Variants in NME7 observed in about 807,000 individuals in gnomAD.
NME7 encodes nucleoside diphosphate kinase 7.
A neutral mutation model predicts 49.1 loss-of-function variants in NME7; 41 were observed. The observed-to-expected ratio is 0.83, with a 90% CI of 0.65 to 1.08. The LOEUF (loss-of-function observed/expected upper bound fraction) is 1.08. Ranked by LOEUF, NME7 falls within the 50% of genes least tolerant of loss-of-function variation. The pLI is 0.00. For missense variants in NME7, 423 were observed against 463.4 expected (o/e 0.91, Z 0.80); for synonymous variants, 139 against 150.6 (o/e 0.92, Z 0.56).
chr1:169,188,797 G>T (rs150099490), intron 10 of NME7, among the ~76,000 whole-genome samples: 1 of 152,142 alleles, frequency 6.6e-6, no homozygotes, highest in Non-Finnish European at 1.5e-5. Context: ...TACACACTGA[G>T]GTGATACCAT....
At chr1:169,329,124 G>C (rs949126160) in intron 1 of NME7, among the ~76,000 whole-genome samples, 3 of 152,010 alleles carry the variant, frequency 2.0e-5, no homozygotes, top group African/African-American at 7.2e-5. Context: ...TCTGCTATAG[G>C]TTTCAAAATC....
intron 6 of NME7, among the ~76,000 whole-genome samples, chr1:169,292,196 T>A (rs757146585): frequency 6.6e-6 from 1 of 152,154 alleles, no homozygotes; most frequent in Non-Finnish European, 1.5e-5. Context: ...AAATGCATCA[T>A]AGAGTTAAGT....
intron 7 of NME7, among the ~76,000 whole-genome samples, chr1:169,273,684 T>G (rs1571344131): frequency 7.9e-6 from 1 of 127,344 alleles, no homozygotes; most frequent in Non-Finnish European, 1.8e-5. Flanking sequence ...ATTGTTCAAT[T>G]CCCATCTATG....
Position 169,257,419 on chromosome 1 carries a change from C to T in NME7, c.755-19732G>A, listed in dbSNP as rs1437305811. Among the ~76,000 whole-genome samples the T allele has an allele frequency of 5.2e-5, 7 of 134,274 alleles. 1 individual carries two copies. The highest frequency in any genetic ancestry group is 1.0e-4 in the African/African-American group (4 of 39,684). 88.1% of individuals were successfully genotyped at this position (134,274 alleles called of 152,430 possible). On this transcript the variant is annotated intron_variant, in intron 7 of 11. Coordinates refer to ENST00000367811, the MANE Select transcript of NME7 (RefSeq NM_013330.5). ...AGTGAGGCAATGCCTCGCCCTGCTT[C>T]GGCTTGCGAACGGTACGCGCACCCA...
intron 1 of NME7, among the ~76,000 whole-genome samples, chr1:169,337,029 C>T (rs954009588): frequency 6.6e-6 from 1 of 152,226 alleles, no homozygotes; most frequent in Admixed American, 6.5e-5. Flanking sequence ...GATCCCGCAC[C>T]GGGGCTGCAG....
intron 11 of NME7, among the ~76,000 whole-genome samples, chr1:169,141,991 C>A (rs1190131764): frequency 6.6e-6 from 1 of 152,150 alleles, no homozygotes; most frequent in African/African-American, 2.4e-5. Flanking sequence ...TATTTCTACT[C>A]TTCAAGTAGA....
At chr1:169,320,896 G>A (rs1419758106) in intron 3 of NME7, among the ~76,000 whole-genome samples, 1 of 152,054 alleles carries the variant, frequency 6.6e-6, no homozygotes, top group Non-Finnish European at 1.5e-5. Context: ...TTAATTAGAG[G>A]TTTAGTAGAA....
intron 1 of NME7, among the ~76,000 whole-genome samples, chr1:169,361,736 C>T (rs895920677): frequency 6.6e-6 from 1 of 150,902 alleles, no homozygotes. Flanking sequence ...GTGGAAATCG[C>T]GCCACTGCAC....
chr1:169,253,471 A>T (rs574917901), intron 7 of NME7, among the ~76,000 whole-genome samples: 1 of 151,878 alleles, frequency 6.6e-6, no homozygotes, highest in Admixed American at 6.6e-5. Flanking sequence ...GGCTGAGACA[A>T]TGGGGTTTTC....
intron 11 of NME7, among the ~76,000 whole-genome samples, chr1:169,143,195 G>A (rs1191184979): frequency 1.3e-5 from 2 of 148,962 alleles, no homozygotes; most frequent in Non-Finnish European, 3.0e-5. Context: ...GATGTTTTGA[G>A]GATAAAGATC....
At chr1:169,223,346 T>C (rs918153339) in intron 10 of NME7, among the ~76,000 whole-genome samples, 1 of 152,160 alleles carries the variant, frequency 6.6e-6, no homozygotes, top group African/African-American at 2.4e-5. Flanking sequence ...TTAACTATAA[T>C]GTTAAGGGTT....
intron 10 of NME7, among the ~76,000 whole-genome samples, chr1:169,209,308 A>C (rs1660753156): frequency 6.6e-6 from 1 of 152,094 alleles, no homozygotes; most frequent in Non-Finnish European, 1.5e-5. Context: ...TGAGAGTAAA[A>C]GCTATTTATA....
chr1:169,338,168 T>G (rs1474022007), intron 1 of NME7, among the ~76,000 whole-genome samples: 1 of 152,234 alleles, frequency 6.6e-6, no homozygotes, highest in East Asian at 1.9e-4. Flanking sequence ...ACACTAAGTA[T>G]ACCATTGCAA....
In NME7 at chr1:169,256,283, A is replaced by C. The variant is rs558297143; in HGVS notation, c.755-18596T>G. 7.5e-5 allele frequency among the ~76,000 whole-genome samples: 10 copies of C among 132,792 alleles called. 1 individual carries two copies. The South Asian group carries it at 2.3e-3, about 31-fold the overall frequency. 87.1% of individuals were successfully genotyped at this position (132,792 alleles called of 152,430 possible). A position where few individuals can be genotyped will look rare whatever the true frequency, so the allele number is the denominator to read the frequency against. On this transcript the variant is annotated intron_variant, in intron 7 of 11. Coordinates refer to ENST00000367811, the MANE Select transcript of NME7 (RefSeq NM_013330.5). ...CATTTCTTTGTATTCTTTTTTCTCT[A>C]AACTTTCCTTCTCGCTTCATTTCAT...
chr1:169,247,733 G>A (rs777445348), intron 7 of NME7, among the ~76,000 whole-genome samples: 7 of 152,008 alleles, frequency 4.6e-5, no homozygotes, highest in Admixed American at 2.0e-4. Flanking sequence ...GAGAACATAC[G>A]GTTTTTGGTT....
At chr1:169,203,634 T>C (rs1041031012) in intron 10 of NME7, among the ~76,000 whole-genome samples, 15 of 151,994 alleles carry the variant, frequency 9.9e-5, no homozygotes, top group Non-Finnish European at 2.1e-4. Context: ...CATTCTGTGG[T>C]TGGTGGTCTC....
At position 169,256,583 on chromosome 1, in the gene NME7, C is replaced by G. The variant is rs968354233; in HGVS notation, c.755-18896G>C. ...TCAGCTCGTCAAAGTCATTCTCCAT[C>G]CAGCTTTGTTCCGTTGCCGGTGAGG... On this transcript the variant is annotated intron_variant, in intron 7 of 11. Coordinates refer to ENST00000367811, the MANE Select transcript of NME7 (RefSeq NM_013330.5). Among the ~76,000 whole-genome samples the G allele has an allele frequency of 6.8e-5, 9 of 131,714 alleles. 1 individual carries two copies. Among genetic ancestry groups the G allele is most frequent in the African/African-American group, 2.3e-4 (9 of 38,792 alleles). 86.4% of individuals were successfully genotyped at this position (131,714 alleles called of 152,430 possible).
intron 11 of NME7, among the ~76,000 whole-genome samples, chr1:169,162,328 T>G (rs906235013): frequency 9.9e-5 from 15 of 152,020 alleles, no homozygotes; most frequent in Non-Finnish European, 1.8e-4. Flanking sequence ...TACATACAAT[T>G]AAATATTTTA....
intron 10 of NME7, among the ~76,000 whole-genome samples, chr1:169,212,379 G>T (rs2101795072): frequency 6.6e-6 from 1 of 151,912 alleles, no homozygotes; most frequent in South Asian, 2.1e-4. Flanking sequence ...ACTGTTTGTG[G>T]ATTCCATGTT....
Sources: gnomAD v4.1 joint callset for allele counts (sites outside exome capture counted in the v4.1 genomes callset) on GRCh38, gnomAD v4.1.1 for gene constraint, MANE v1.5 for transcripts, NCBI Gene and HGNC (gene_info 2026-07-23, HGNC 2026-07-21) for gene names.